TLL2: variants seen among roughly 807,000 people sequenced by gnomAD.
The protein encoded by TLL2 is tolloid like 2.
A neutral mutation model predicts 123.0 loss-of-function variants in TLL2; 106 were observed. That is an observed-to-expected ratio of 0.86 (90% confidence interval 0.74 to 1.01). The LOEUF (loss-of-function observed/expected upper bound fraction) is 1.01, where lower values mean the gene tolerates loss of function less well. TLL2 is among the 50% of genes least tolerant of loss of function. The pLI is 0.00. For synonymous variants in TLL2, 494 were observed against 516.8 expected, an observed-to-expected ratio of 0.96 and a Z score of 0.60; for missense variants, 1,332 against 1,336.7, an observed-to-expected ratio of 1.00 and a Z score of 0.06.
At chr10:96,391,147 G>A (rs1009002158) in intron 13 of TLL2, among the ~76,000 whole-genome samples, 1 of 152,112 alleles carries the variant, frequency 6.6e-6, no homozygotes, top group African/African-American at 2.4e-5. Context: ...GTCTTGCAAG[G>A]GAGGCAGAGC....
At chr10:96,467,097 A>G (rs1847139260) in intron 2 of TLL2, among the ~76,000 whole-genome samples, 1 of 152,262 alleles carries the variant, frequency 6.6e-6, no homozygotes, top group South Asian at 2.1e-4. Context: ...CAGCTGTAAC[A>G]AAGTAGACCC....
chr10:96,444,429 G>C (rs2134086464), intron 3 of TLL2, among the ~76,000 whole-genome samples: 1 of 152,342 alleles, frequency 6.6e-6, no homozygotes, highest in Middle Eastern at 3.4e-3. Context: ...GTGCCTTGGA[G>C]GGGTTGTGCC....
At chr10:96,498,605 A>G (rs1847502030) in intron 1 of TLL2, among the ~76,000 whole-genome samples, 1 of 152,224 alleles carries the variant, frequency 6.6e-6, no homozygotes, top group South Asian at 2.1e-4. Flanking sequence ...CTCCAAAATA[A>G]AGCTTTTCCA....
chr10:96,396,405 G>A (rs1365640482), intron 11 of TLL2, among the ~76,000 whole-genome samples: 16 of 152,158 alleles, frequency 1.1e-4, no homozygotes. Context: ...GTACAGGACC[G>A]CTGGTAGGAA....
rs1302540296 is a variant in TLL2, at chr10:96,395,253, G to C, written c.1660C>G (p.Leu554Val). The change falls in exon 13 of 21, where the codon CTG becomes GTG. Residue 554 changes from leucine to valine, a missense_variant. Coordinates refer to ENST00000357947, the MANE Select transcript of TLL2 (RefSeq NM_012465.4). ...CCATCGGACACAAACTTCATCCACA[G>C]TCTGTTGGAGCTCGATTTCACATCC... is the stretch of plus-strand genomic sequence containing the variant. ...PEDVKSSSNR[L>V]WMKFVSDGSI... 1 of 1,613,956 alleles carries C rather than the reference G, an allele frequency of 6.2e-7. No homozygotes were observed. Among genetic ancestry groups the C allele is most frequent in the African/African-American group, 1.3e-5 (1 of 75,058 alleles).
At chr10:96,476,245 A>T (rs12761362) in intron 2 of TLL2, among the ~76,000 whole-genome samples, 31,250 of 50,522 alleles carry the variant, frequency 0.62, 8,493 homozygotes, top group East Asian at 0.8. Flanking sequence ...TATATATTTT[A>T]TTTTTGTTGT....
At chr10:96,468,637 A>G (rs1847151291) in intron 2 of TLL2, among the ~76,000 whole-genome samples, 1 of 152,158 alleles carries the variant, frequency 6.6e-6, no homozygotes, top group South Asian at 2.1e-4. Flanking sequence ...TGTTTGTCCC[A>G]ATTTCTTAAG....
At chr10:96,381,093 C>T (rs1168145167) in intron 16 of TLL2, among the ~76,000 whole-genome samples, 1 of 152,210 alleles carries the variant, frequency 6.6e-6, no homozygotes, top group East Asian at 1.9e-4. Flanking sequence ...GGTCCTCACC[C>T]CTGCTCTGAT....
At chr10:96,491,382 C>A (rs1195229141) in intron 1 of TLL2, among the ~76,000 whole-genome samples, 3 of 129,798 alleles carry the variant, frequency 2.3e-5, no homozygotes, top group African/African-American at 8.6e-5. Flanking sequence ...AACTCTGTCT[C>A]AAAAAAAAAA....
At chr10:96,476,240 A>ATATATATATATATATATAT in intron 2 of TLL2, among the ~76,000 whole-genome samples, 3 of 20,500 alleles carry the variant, frequency 1.5e-4, no homozygotes, top group Admixed American at 5.2e-4. Context: ...ATATATATAT[A>ATATATATATATATATATAT]TTTTATTTTT....
rs1345156764 is a variant in TLL2, at chr10:96,367,956, G to C, written c.*132C>G. ...TTTCATTCAAATATATACCTCTAAG[G>C]CTGGATTCTGAGTTTTTGTTTGAGA... On this transcript the variant is annotated 3_prime_UTR_variant, in exon 21 of 21. Transcript: ENST00000357947. 1 of 1,124,248 alleles carries C rather than the reference G, an allele frequency of 8.9e-7. No individual in the cohort carries two copies. Among genetic ancestry groups the C allele is most frequent in the Admixed American group, 2.7e-5 (1 of 36,782 alleles). The allele number at this position is 1,124,248 out of a possible 1,614,324, so 69.6% of individuals were successfully genotyped here.
chr10:96,388,315 C>T (rs988745802), intron 13 of TLL2, among the ~76,000 whole-genome samples: 2 of 152,194 alleles, frequency 1.3e-5, no homozygotes, highest in African/African-American at 2.4e-5. Context: ...GCAGGAGAAT[C>T]GCTTGCACCT....
intron 16 of TLL2, among the ~76,000 whole-genome samples, chr10:96,382,445 C>T (rs1846194762): frequency 6.6e-6 from 1 of 152,034 alleles, no homozygotes; most frequent in Admixed American, 6.5e-5. Flanking sequence ...TGACAAGAGC[C>T]CTAATGGAAG....
At position 96,480,373 on chromosome 10, in the gene TLL2, C is replaced by T. The variant is rs149895584; in HGVS notation, c.262G>A (p.Val88Met). Reference sequence around the variant, plus strand: ...CCTGTGCTGTGTCCTGTTGCCCCCACTGTCTGCTTGGTCCAGTCTCTGGCT... The same window carrying T: ...CCTGTGCTGTGTCCTGTTGCCCCCATTGTCTGCTTGGTCCAGTCTCTGGCT... ...DKARDWTKQT[V>M]GATGHSTGGL... The change falls in exon 2 of 21, where the codon GTG becomes ATG. Residue 88 changes from valine (V) to methionine (M), a missense_variant. Coordinates refer to ENST00000357947, the MANE Select transcript of TLL2 (RefSeq NM_012465.4). 770 of 1,614,226 alleles carry T rather than the reference C, an allele frequency of 4.8e-4. 5 individuals are homozygous for T. The African/African-American group carries it at 9.5e-3, about 20-fold the overall frequency.
At chr10:96,383,222 G>A (rs778318028) in intron 16 of TLL2, among the ~76,000 whole-genome samples, 1 of 152,186 alleles carries the variant, frequency 6.6e-6, no homozygotes, top group Non-Finnish European at 1.5e-5. Flanking sequence ...TGGCCCTGAG[G>A]GTTCATGGCC....
At chr10:96,506,405 C>T (rs1175067038) in intron 1 of TLL2, among the ~76,000 whole-genome samples, 4 of 151,846 alleles carry the variant, frequency 2.6e-5, no homozygotes, top group Non-Finnish European at 5.9e-5. Flanking sequence ...GCCAGGTGCT[C>T]AAATAACCAT....
At position 96,451,933 on chromosome 10, in the gene TLL2, C is replaced by T. The variant is rs564138532; in HGVS notation, c.287-5765G>A. ...TTAATACTGTATTTACAGCTTTGAC[C>T]CACGAGAGCTAAATCTATCATAAAA... On this transcript the variant is annotated intron_variant, in intron 2 of 20. Transcript: ENST00000357947. Among the ~76,000 whole-genome samples, 11 of 152,228 alleles carry T rather than the reference C, an allele frequency of 7.2e-5. No individual in the cohort carries two copies. The East Asian group carries it at 2.1e-3, about 29-fold the overall frequency.
At chr10:96,379,699 G>C (rs1487857441) in intron 16 of TLL2, among the ~76,000 whole-genome samples, 1 of 152,190 alleles carries the variant, frequency 6.6e-6, no homozygotes, top group Non-Finnish European at 1.5e-5. Context: ...GTGCATGCCT[G>C]TAATCCCAGC....
intron 1 of TLL2, among the ~76,000 whole-genome samples, chr10:96,489,811 T>G (rs1847393359): frequency 6.6e-6 from 1 of 152,018 alleles, no homozygotes; most frequent in African/African-American, 2.4e-5. Context: ...AAATAACATA[T>G]CTCAGCCGGG....
Sources: gnomAD v4.1 joint callset for allele counts (sites outside exome capture counted in the v4.1 genomes callset) on GRCh38, gnomAD v4.1.1 for gene constraint, MANE v1.5 for transcripts, NCBI Gene and HGNC (gene_info 2026-07-23, HGNC 2026-07-21) for gene names.